The following ABCD2 variants were observed in gnomAD, a reference collection of about 807,000 sequenced individuals.
ABCD2 encodes ATP binding cassette subfamily D member 2.
In ABCD2, 36 loss-of-function variants were observed where a neutral mutation model predicts 70.9. The observed-to-expected ratio is 0.51, with a 90% CI of 0.39 to 0.67. ABCD2 has a LOEUF of 0.67. Ranked by LOEUF, ABCD2 falls within the 30% of genes least tolerant of loss-of-function variation. ABCD2 has a pLI of 0.00. For synonymous variants in ABCD2, 304 were observed against 306.9 expected, an observed-to-expected ratio of 0.99 and a Z score of 0.10; for missense variants, 729 against 890.2, an observed-to-expected ratio of 0.82 and a Z score of 2.30.
intron 8 of ABCD2, among the ~76,000 whole-genome samples, chr12:39,576,350 G>A (rs1276726016): frequency 2.0e-5 from 3 of 151,888 alleles, no homozygotes; most frequent in Non-Finnish European, 2.9e-5. Flanking sequence ...TTGTAGAGAC[G>A]GGGTTTCACT....
In ABCD2 at chr12:39,619,566, G is replaced by C; in HGVS notation, c.50C>G (p.Ser17Trp). The C allele has an allele frequency of 6.2e-7, 1 of 1,611,066 alleles. No individual in the cohort carries two copies. Among genetic ancestry groups the C allele is most frequent in the Non-Finnish European group, 8.5e-7 (1 of 1,179,984 alleles). The change falls in exon 1 of 10, where the codon TCG (serine) becomes TGG (tryptophan). Residue 17 changes from serine (S) to tryptophan (W), a missense_variant. Ser to Trp is a radical substitution (Grantham distance 177, BLOSUM62 -3). Coordinates refer to ENST00000308666, the MANE Select transcript of ABCD2 (RefSeq NM_005164.4). ...AAADRVKWTR[S>W]SAAKRAACLV... ...GCAGGCAGCCCTCTTAGCAGCACTC[G>C]ATCTGGTCCATTTCACTCGATCAGC...
intron 4 of ABCD2, 130 bp from the exon 5 acceptor site, chr12:39,604,136 A>G (rs1941938923): frequency 1.0e-5 from 7 of 667,586 alleles, no homozygotes; most frequent in Non-Finnish European, 1.7e-5. Flanking sequence ...CACAGAAACA[A>G]ATGTAAATAT....
intron 6 of ABCD2, among the ~76,000 whole-genome samples, chr12:39,594,711 C>T (rs901778357): frequency 5.3e-5 from 8 of 152,170 alleles, no homozygotes; most frequent in Admixed American, 2.6e-4. Context: ...GAGTGGCTCA[C>T]GTGTTTAATC....
In ABCD2 at chr12:39,553,660, A is replaced by G; in HGVS notation, c.*252T>C. 2.5e-6 allele frequency: 1 copy of G among 408,118 alleles called. No individual in the cohort carries two copies. The highest frequency in any genetic ancestry group is 3.9e-5 in the South Asian group (1 of 25,340). The allele number at this position is 408,118 out of a possible 1,614,324, so 25.3% of individuals were successfully genotyped here. A position where few individuals can be genotyped will look rare whatever the true frequency, so the allele number is the denominator to read the frequency against. ...TGGTATTCATCATGAATTCACCTAG[A>G]AAATCCTGTTTTACAAGTGCATTAG... On this transcript the variant is annotated 3_prime_UTR_variant, in exon 10 of 10. Coordinates refer to ENST00000308666, the MANE Select transcript of ABCD2 (RefSeq NM_005164.4).
chr12:39,549,882 A>G (rs1207087666), downstream of ABCD2, among the ~76,000 whole-genome samples: 1 of 151,880 alleles, frequency 6.6e-6, no homozygotes, highest in Non-Finnish European at 1.5e-5. Context: ...TTATTAAATT[A>G]GCATTTTGTT....
intron 6 of ABCD2, among the ~76,000 whole-genome samples, chr12:39,589,407 G>C (rs1171922076): frequency 8.5e-6 from 1 of 117,190 alleles, no homozygotes; most frequent in Non-Finnish European, 1.7e-5. Flanking sequence ...TTTTTTTTGA[G>C]ACGGAGTCTC....
chr12:39,615,269 A>G (rs927821851), intron 2 of ABCD2, among the ~76,000 whole-genome samples: 14 of 151,940 alleles, frequency 9.2e-5, no homozygotes, highest in Middle Eastern at 3.4e-3. Context: ...TTGTCTATAG[A>G]GTTGTCTCTA....
At chr12:39,576,193 T>A (rs1773717296) in intron 8 of ABCD2, among the ~76,000 whole-genome samples, 1 of 152,188 alleles carries the variant, frequency 6.6e-6, no homozygotes, top group South Asian at 2.1e-4. Flanking sequence ...CGGAGTCTCA[T>A]ACTATTGCCA....
Position 39,550,629 on chromosome 12 carries a change from A to AT in ABCD2, c.*3282dup, listed in dbSNP as rs1264828592. ...CCTGAAGGCGCTCATGTGGCAAAAC[A>AT]TATTCAACCCCAAAACATATTCAAC... is the stretch of plus-strand genomic sequence containing the variant. On this transcript the variant is annotated 3_prime_UTR_variant, in exon 10 of 10. Transcript: ENST00000308666. 7.2e-5 allele frequency: 11 copies of AT among 151,936 alleles called. No individual in the cohort carries two copies. The highest frequency in any genetic ancestry group is 2.2e-4 in the African/African-American group (9 of 41,576). The allele number at this position is 151,936 out of a possible 1,614,324, so 9.4% of individuals were successfully genotyped here.
intron 2 of ABCD2, among the ~76,000 whole-genome samples, chr12:39,613,906 T>A (rs1942081022): frequency 6.6e-6 from 1 of 152,216 alleles, no homozygotes; most frequent in African/African-American, 2.4e-5. Flanking sequence ...TGCAATAGAA[T>A]TATTTTTCCT....
rs1941107115 is a variant in ABCD2, at chr12:39,552,850, G to A, written c.*1062C>T. The A allele has an allele frequency of 6.6e-6, 1 of 152,000 alleles. No individual in the cohort carries two copies. The highest frequency in any genetic ancestry group is 1.5e-5 in the Non-Finnish European group (1 of 67,876). The allele number at this position is 152,000 out of a possible 1,614,324, so 9.4% of individuals were successfully genotyped here. ...TAACAAAAGAGCACTAAACCAGAGA[G>A]TCAGGAGAACTTCATTTGATTTCTC... On this transcript the variant is annotated 3_prime_UTR_variant, in exon 10 of 10. Coordinates refer to ENST00000308666, the MANE Select transcript of ABCD2 (RefSeq NM_005164.4).
chr12:39,582,161 G>GT (rs537015165), intron 7 of ABCD2, among the ~76,000 whole-genome samples: 53 of 151,528 alleles, frequency 3.5e-4, no homozygotes, highest in Middle Eastern at 6.8e-3. Flanking sequence ...TTTCCCTGAA[G>GT]TTTTTTTTTA....
chr12:39,587,580 A>T (rs1941683015), intron 6 of ABCD2, among the ~76,000 whole-genome samples: 1 of 152,222 alleles, frequency 6.6e-6, no homozygotes, highest in South Asian at 2.1e-4. Flanking sequence ...ATTTATATTT[A>T]AAAAAGGAAA....
At chr12:39,609,324 C>T (rs1463891168) in intron 2 of ABCD2, among the ~76,000 whole-genome samples, 2 of 152,128 alleles carry the variant, frequency 1.3e-5, no homozygotes, top group East Asian at 3.9e-4. Context: ...CTTACCTCTC[C>T]ACATCTATTT....
intron 3 of ABCD2, among the ~76,000 whole-genome samples, chr12:39,605,577 T>G (rs1941958901): frequency 6.6e-6 from 1 of 152,144 alleles, no homozygotes; most frequent in Non-Finnish European, 1.5e-5. Flanking sequence ...AAATCTCTAC[T>G]TTAGTCCACA....
intron 9 of ABCD2, among the ~76,000 whole-genome samples, chr12:39,568,530 A>T (rs1281911779): frequency 6.6e-6 from 1 of 151,950 alleles, no homozygotes; most frequent in African/African-American, 2.4e-5. Context: ...CCATTCGTCT[A>T]ATTTTTTTTC....
At chr12:39,591,881 A>G (rs1210620376) in intron 6 of ABCD2, among the ~76,000 whole-genome samples, 1 of 152,160 alleles carries the variant, frequency 6.6e-6, no homozygotes, top group Non-Finnish European at 1.5e-5. Context: ...ATATGGTTTA[A>G]TGTAATAGTA....
rs577796279 is a variant in ABCD2 at position 39,551,942 on chromosome 12, C to T, written c.*1970G>A. 14 of 151,670 alleles carry T rather than the reference C, an allele frequency of 9.2e-5. No homozygotes were observed. Among genetic ancestry groups the T allele is most frequent in the Admixed American group, 3.9e-4 (6 of 15,226 alleles). 9.4% of individuals were successfully genotyped at this position (151,670 alleles called of 1,614,324 possible). A position where few individuals can be genotyped will look rare whatever the true frequency, so the allele number is the denominator to read the frequency against. On this transcript the variant is annotated 3_prime_UTR_variant, in exon 10 of 10. Transcript: ENST00000308666. Reference sequence around the variant, plus strand: ...TGTACCTTTAAAAGTTAACTTAAAACACTTGCCTCAGACTTTTGCCCTTGT... The same window carrying T: ...TGTACCTTTAAAAGTTAACTTAAAATACTTGCCTCAGACTTTTGCCCTTGT...
intron 7 of ABCD2, among the ~76,000 whole-genome samples, chr12:39,584,652 T>TATAG (rs1941641162): frequency 1.3e-5 from 2 of 152,138 alleles, no homozygotes; most frequent in South Asian, 4.1e-4. Flanking sequence ...TAGTTTGGGG[T>TATAG]TTTACATTTA....
Sources: gnomAD v4.1 joint callset for allele counts (sites outside exome capture counted in the v4.1 genomes callset) on GRCh38, gnomAD v4.1.1 for gene constraint, MANE v1.5 for transcripts, NCBI Gene and HGNC (gene_info 2026-07-23, HGNC 2026-07-21) for gene names.